Variants in IFT74 observed in about 807,000 individuals in gnomAD.
IFT74 encodes intraflagellar transport protein 74 homolog.
A neutral mutation model predicts 96.7 loss-of-function variants in IFT74; 92 were observed. That is an observed-to-expected ratio of 0.95 (90% CI 0.80 to 1.13). The LOEUF is 1.13. IFT74 is among the 50% of genes most tolerant of loss of function. The pLI is 0.00. For synonymous variants in IFT74, 223 were observed against 213.2 expected (o/e 1.05, Z -0.40); for missense variants, 811 against 698.2 (o/e 1.16, Z -1.82).
In IFT74 at chr9:27,065,199, A is replaced by C. The variant is rs540606063; in HGVS notation, c.*2463A>C. Among the ~76,000 whole-genome samples, 13 of 152,298 alleles carry C rather than the reference A, an allele frequency of 8.5e-5. No individual in the cohort carries two copies. The highest frequency in any genetic ancestry group is 3.1e-4 in the African/African-American group (13 of 41,568). ...TCATATGTAATATTGGTGGGGGGCA[A>C]ATAATTGAGCAGGATTTCTTTAAAT... is the stretch of plus-strand genomic sequence containing the variant. On this transcript the variant is annotated 3_prime_UTR_variant, in exon 20 of 20. Transcript: ENST00000380062.
At chr9:26,976,787 G>A (rs190009759) in intron 2 of IFT74, 4 of 456,008 alleles carry the variant, frequency 8.8e-6, no homozygotes, top group Non-Finnish European at 1.8e-5. Flanking sequence ...ATGCCTGTAT[G>A]TATTATATGA....
chr9:26,966,055 A>G (rs1466021665), intron 2 of IFT74, among the ~76,000 whole-genome samples: 2 of 151,960 alleles, frequency 1.3e-5, no homozygotes, highest in African/African-American at 4.8e-5. Context: ...CATGTATACC[A>G]CATTTTCTTT....
At chr9:26,955,864 C>G (rs1826069710), upstream of IFT74, 1 of 150,448 alleles carries the variant, frequency 6.6e-6, no homozygotes, top group African/African-American at 2.4e-5. Context: ...AGGACACTTT[C>G]CATTGAATTC....
intron 8 of IFT74, chr9:26,999,713 AAG>A (rs1176558042): frequency 1.6e-5 from 25 of 1,559,912 alleles, no homozygotes; most frequent in Non-Finnish European, 2.1e-5. Flanking sequence ...CCTGATAGAA[AAG>A]AGAGTATTTT....
chr9:26,972,156 C>G (rs1826908458), intron 2 of IFT74, among the ~76,000 whole-genome samples: 1 of 152,138 alleles, frequency 6.6e-6, no homozygotes, highest in Admixed American at 6.5e-5. Flanking sequence ...TGTTAAGAAA[C>G]TAGCTAGTTT....
chr9:27,038,663 G>A lies in IFT74; in HGVS notation c.1055-6079G>A, dbSNP rs374266895. Among the ~76,000 whole-genome samples the A allele has an allele frequency of 7.2e-5, 11 of 152,344 alleles. 1 individual carries two copies. The East Asian group carries it at 1.7e-3, about 24-fold the overall frequency. On this transcript the variant is annotated intron_variant, in intron 13 of 19. Coordinates refer to ENST00000380062, the MANE Select transcript of IFT74 (RefSeq NM_025103.4). ...GGGTGACTTCGAGGAACACATAGAA[G>A]AGCATAGAGAAACCCTTACCAACAA...
At chr9:26,999,725 T>G (rs998421481) in intron 8 of IFT74, 7 of 1,488,942 alleles carry the variant, frequency 4.7e-6, no homozygotes, top group African/African-American at 1.4e-5. Context: ...GAGAGTATTT[T>G]CATTAAGGAC....
chr9:27,006,735 AAAAG>A (rs1828801821), intron 8 of IFT74, among the ~76,000 whole-genome samples: 1 of 151,224 alleles, frequency 6.6e-6, no homozygotes, highest in African/African-American at 2.4e-5. Flanking sequence ...AGAGAGAGAG[AAAAG>A]AAAGGAGGTA....
In IFT74 at chr9:26,996,472, T is replaced by G. The variant is rs1486003332; in HGVS notation, c.587+6277T>G. ...ATTGTAGCTCTGCAGGCTGTTGGGG[T>G]AGCTACACATGGTGATGTTCTCATT... On this transcript the variant is annotated intron_variant, in intron 8 of 19. Transcript: ENST00000380062. 7 of 1,516,720 alleles carry G rather than the reference T, an allele frequency of 4.6e-6. No homozygotes were observed. The East Asian group carries it at 1.6e-4, about 36-fold the overall frequency. The allele number at this position is 1,516,720 out of a possible 1,614,324, so 94.0% of individuals were successfully genotyped here.
At chr9:26,974,301 C>T (rs1827005703) in intron 2 of IFT74, among the ~76,000 whole-genome samples, 2 of 152,232 alleles carry the variant, frequency 1.3e-5, no homozygotes, top group Non-Finnish European at 2.9e-5. Flanking sequence ...ACTTAGCGGT[C>T]GGTCTTCCCA....
At chr9:27,040,921 T>C (rs2131673064) in intron 13 of IFT74, among the ~76,000 whole-genome samples, 2 of 152,244 alleles carry the variant, frequency 1.3e-5, no homozygotes, top group African/African-American at 4.8e-5. Flanking sequence ...AGTAAAAGTA[T>C]GGGGTGAACT....
chr9:26,971,398 G>C (rs753531650), intron 2 of IFT74, among the ~76,000 whole-genome samples: 9 of 152,058 alleles, frequency 5.9e-5, no homozygotes, highest in Non-Finnish European at 1.2e-4. Flanking sequence ...CACATAGCTT[G>C]GGGTCTCCAG....
intron 8 of IFT74, among the ~76,000 whole-genome samples, chr9:27,000,518 G>T (rs1000532138): frequency 2.6e-5 from 4 of 152,020 alleles, no homozygotes; most frequent in Admixed American, 2.0e-4. Flanking sequence ...ATTGAGGCGT[G>T]GTAGATATAC....
At chr9:26,986,985 T>G (rs1012755575) in intron 6 of IFT74, among the ~76,000 whole-genome samples, 2 of 152,232 alleles carry the variant, frequency 1.3e-5, no homozygotes, top group African/African-American at 2.4e-5. Flanking sequence ...TAGAGCCCAT[T>G]ATTCACTGGG....
chr9:26,997,953 TTA>T, intron 8 of IFT74: 1 of 1,613,928 alleles, frequency 6.2e-7, no homozygotes, highest in South Asian at 1.1e-5. Context: ...TATAACTGTT[TTA>T]GTTTATTTAA....
At chr9:27,014,011 C>G (rs147263813) in intron 10 of IFT74, among the ~76,000 whole-genome samples, 1 of 152,148 alleles carries the variant, frequency 6.6e-6, no homozygotes, top group African/African-American at 2.4e-5. Context: ...GTCAGGAGAT[C>G]GAGACCATCC....
chr9:27,054,219 T>TA (rs1167241736), intron 16 of IFT74, among the ~76,000 whole-genome samples: 1 of 152,234 alleles, frequency 6.6e-6, no homozygotes, highest in African/African-American at 2.4e-5. Flanking sequence ...CTGAACTTGT[T>TA]ACTGGCTCAA....
At chr9:27,034,691 G>C (rs1819087675) in intron 13 of IFT74, among the ~76,000 whole-genome samples, 1 of 152,066 alleles carries the variant, frequency 6.6e-6, no homozygotes, top group Admixed American at 6.6e-5. Context: ...ACCACACCTG[G>C]CTAATTTTTT....
exon 1 of IFT74, chr9:26,947,115 G>C (rs1324531224): frequency 7.1e-6 from 10 of 1,398,686 alleles, no homozygotes; most frequent in Non-Finnish European, 7.5e-6. Context: ...GACTCGGAGA[G>C]CGCCGGGCCG....
Sources: allele counts gnomAD v4.1 joint callset (sites outside exome capture counted in the v4.1 genomes callset), GRCh38; gene constraint gnomAD v4.1.1; transcripts MANE v1.5; gene names NCBI Gene and HGNC (gene_info 2026-07-23, HGNC 2026-07-21).